Variants in SLC25A48 observed in about 807,000 individuals in gnomAD.
SLC25A48 encodes the protein solute carrier family 25 member 48.
Under a neutral mutation model 32.2 loss-of-function variants are expected in SLC25A48, and 29 were observed. The observed-to-expected ratio is 0.90, with a 90% CI of 0.67 to 1.23. The LOEUF is 1.23. Among genes scored for constraint, SLC25A48 ranks in the 50% most tolerant of loss-of-function variants. SLC25A48 has a pLI of 0.00. For synonymous variants in SLC25A48, 164 were observed against 172.3 expected (o/e 0.95, Z 0.38); for missense variants, 399 against 422.7 (o/e 0.94, Z 0.49).
chr5:135,620,547 C>A (rs969239909), intron 1 of SLC25A48, among the ~76,000 whole-genome samples: 2 of 152,144 alleles, frequency 1.3e-5, no homozygotes, highest in Admixed American at 6.5e-5. Flanking sequence ...TTTACTCATA[C>A]TTCAGCCCCG....
chr5:135,717,188 C>A (rs567007653), intron 3 of SLC25A48, among the ~76,000 whole-genome samples: 1 of 152,338 alleles, frequency 6.6e-6, no homozygotes, highest in Admixed American at 6.5e-5. Flanking sequence ...GGTCCATTCA[C>A]AGGTGGCCAG....
intron 3 of SLC25A48, among the ~76,000 whole-genome samples, chr5:135,809,002 A>T (rs748848581): frequency 6.6e-6 from 1 of 152,124 alleles, no homozygotes; most frequent in Non-Finnish European, 1.5e-5. Flanking sequence ...GTTTCTTGGT[A>T]TAATTAAAAT....
chr5:135,580,843 T>G (rs1379940426), intron 1 of SLC25A48, among the ~76,000 whole-genome samples: 1 of 152,164 alleles, frequency 6.6e-6, no homozygotes, highest in Non-Finnish European at 1.5e-5. Flanking sequence ...TCAGGCTGCA[T>G]GTAGTCTTTA....
intron 3 of SLC25A48, 90 bp downstream of exon 3, chr5:135,850,586 G>A: frequency 4.1e-6 from 5 of 1,224,012 alleles, no homozygotes; most frequent in Non-Finnish European, 5.9e-6. Context: ...GCATGCAGGT[G>A]GGGGCCTCTC....
At chr5:135,610,290 G>T (rs1288811750) in intron 1 of SLC25A48, among the ~76,000 whole-genome samples, 1 of 152,100 alleles carries the variant, frequency 6.6e-6, no homozygotes, top group Admixed American at 6.5e-5. Context: ...CTCAATAAAT[G>T]TGTTTATTTG....
At chr5:135,588,292 A>C (rs987394451) in intron 1 of SLC25A48, among the ~76,000 whole-genome samples, 4 of 152,278 alleles carry the variant, frequency 2.6e-5, no homozygotes, top group African/African-American at 9.6e-5. Flanking sequence ...TGTGGAGGAA[A>C]AAAAGCCACT....
intron 2 of SLC25A48, among the ~76,000 whole-genome samples, chr5:135,631,268 CTTCA>C (rs1752562716): frequency 2.0e-5 from 3 of 152,186 alleles, no homozygotes; most frequent in African/African-American, 7.2e-5. Context: ...AGAGGGGCTT[CTTCA>C]TTCAAAGTAT....
At chr5:135,743,965 C>T (rs1755571145) in intron 3 of SLC25A48, among the ~76,000 whole-genome samples, 1 of 152,224 alleles carries the variant, frequency 6.6e-6, no homozygotes, top group South Asian at 2.1e-4. Context: ...CCATCCATTA[C>T]AAGCTTATCT....
chr5:135,704,102 C>G (rs115470549), intron 3 of SLC25A48, among the ~76,000 whole-genome samples: 62 of 152,152 alleles, frequency 4.1e-4, no homozygotes, highest in Non-Finnish European at 7.2e-4. Flanking sequence ...ATGAAGAAGG[C>G]AAAGGTTTCA....
At chr5:135,766,381 C>G (rs1349187072) in intron 3 of SLC25A48, among the ~76,000 whole-genome samples, 1 of 151,560 alleles carries the variant, frequency 6.6e-6, no homozygotes, top group Non-Finnish European at 1.5e-5. Flanking sequence ...ATATTACTCC[C>G]CATGTCGGTG....
intron 4 of SLC25A48, among the ~76,000 whole-genome samples, chr5:135,855,919 G>A (rs532202408): frequency 6.6e-6 from 1 of 152,306 alleles, no homozygotes; most frequent in Admixed American, 6.5e-5. Context: ...CTTGTTGTGC[G>A]ATGTAGCAAT....
At chr5:135,642,082 T>G (rs957658517) in intron 3 of SLC25A48, among the ~76,000 whole-genome samples, 2 of 152,254 alleles carry the variant, frequency 1.3e-5, no homozygotes, top group Non-Finnish European at 2.9e-5. Context: ...GCTATGGATA[T>G]GCCAAACCTA....
chr5:135,818,386 C>T (rs923267797), intron 4 of SLC25A48, among the ~76,000 whole-genome samples: 4 of 152,246 alleles, frequency 2.6e-5, no homozygotes, highest in African/African-American at 9.6e-5. Context: ...TGGGATAGAT[C>T]TAAACCAGAA....
intron 3 of SLC25A48, among the ~76,000 whole-genome samples, chr5:135,667,411 C>T (rs941854411): frequency 6.6e-6 from 1 of 152,184 alleles, no homozygotes; most frequent in Non-Finnish European, 1.5e-5. Context: ...TCCTGGAAAA[C>T]AAATGAATTT....
At chr5:135,776,284 GAGAATAAT>G (rs1756558413) in intron 3 of SLC25A48, among the ~76,000 whole-genome samples, 1 of 147,492 alleles carries the variant, frequency 6.8e-6, no homozygotes, top group African/African-American at 2.5e-5. Flanking sequence ...GGGGGGCAGA[GAGAATAAT>G]ATTACTTCCA....
chr5:135,728,775 C>T (rs778770824), intron 3 of SLC25A48, among the ~76,000 whole-genome samples: 4 of 151,832 alleles, frequency 2.6e-5, no homozygotes, highest in Non-Finnish European at 4.4e-5. Flanking sequence ...AGGCCACTTT[C>T]TACCTCTGAC....
At position 135,874,003 on chromosome 5, in the gene SLC25A48, GTTTC is replaced by G; in HGVS notation, c.680-12_680-9del. The G allele has an allele frequency of 2.0e-6, 3 of 1,528,334 alleles. No homozygotes were observed. The highest frequency in any genetic ancestry group is 2.6e-6 in the Non-Finnish European group (3 of 1,144,136). The allele number at this position is 1,528,334 out of a possible 1,614,324, so 94.7% of individuals were successfully genotyped here. A position where few individuals can be genotyped will look rare whatever the true frequency, so the allele number is the denominator to read the frequency against. On this transcript the variant is annotated splice_polypyrimidine_tract_variant and intron_variant, in intron 5 of 7. Coordinates refer to ENST00000681962, the MANE Select transcript of SLC25A48 (RefSeq NM_001349336.2). ...CCTAAGGAGCTAGCCCCTGACACCT[GTTTC>G]TTTCTCTTTGCAGGAGCAATTTCTT...
chr5:135,586,371 A>G (rs1156803202), intron 1 of SLC25A48, among the ~76,000 whole-genome samples: 1 of 152,260 alleles, frequency 6.6e-6, no homozygotes, highest in East Asian at 1.9e-4. Flanking sequence ...CAAAATGCCC[A>G]TGCAATATTT....
intron 1 of SLC25A48, among the ~76,000 whole-genome samples, chr5:135,595,783 C>G (rs1246559398): frequency 6.6e-6 from 1 of 152,206 alleles, no homozygotes; most frequent in Non-Finnish European, 1.5e-5. Context: ...ACTTGTAAAG[C>G]CCATGACAGT....
Sources: gnomAD v4.1 joint callset for allele counts (sites outside exome capture counted in the v4.1 genomes callset) on GRCh38, gnomAD v4.1.1 for gene constraint, MANE v1.5 for transcripts, NCBI Gene and HGNC (gene_info 2026-07-23, HGNC 2026-07-21) for gene names.